Variants in ASAP3 observed in about 807,000 individuals in gnomAD.
The protein encoded by ASAP3 is ArfGAP with SH3 domain, ankyrin repeat and PH domain 3, also known as arf-GAP with SH3 domain, ANK repeat and PH domain-containing protein 3.
In ASAP3, 85 loss-of-function variants were observed where a neutral mutation model predicts 118.2. The observed-to-expected ratio is 0.72, with a 90% CI of 0.60 to 0.86. The LOEUF (loss-of-function observed/expected upper bound fraction) is 0.86, where lower values mean the gene tolerates loss of function less well. Ranked by LOEUF, ASAP3 falls within the 40% of genes least tolerant of loss-of-function variation. The pLI, the probability that ASAP3 is intolerant of heterozygous loss-of-function variation, is 0.00. For synonymous variants in ASAP3, 432 were observed against 477.4 expected, an observed-to-expected ratio of 0.90 and a Z score of 1.24; for missense variants, 1,026 against 1,175.0, an observed-to-expected ratio of 0.87 and a Z score of 1.85.
At chr1:23,478,773 A>T (rs1020222227) in intron 1 of ASAP3, among the ~76,000 whole-genome samples, 13 of 152,232 alleles carry the variant, frequency 8.5e-5, no homozygotes, top group African/African-American at 3.1e-4. Context: ...AAAAAAATAA[A>T]AAATAAAAAA....
Position 23,435,849 on chromosome 1 carries a change from A to T in ASAP3, c.1749+2T>A. The T allele has an allele frequency of 6.2e-7, 1 of 1,614,238 alleles. No individual in the cohort carries two copies. ...ATAAGTGGCCCTTGGAGGGGTTCTC[A>T]CCTGTGCATCAGGCCCTGGCAGCGG... is the stretch of plus-strand genomic sequence containing the variant. On this transcript the variant is annotated splice_donor_variant, in intron 17 of 24. Transcript: ENST00000336689. LOFTEE classifies it high-confidence loss of function.
intron 22 of ASAP3, among the ~76,000 whole-genome samples, chr1:23,432,168 G>A (rs192446367): frequency 3.0e-4 from 45 of 152,008 alleles, no homozygotes; most frequent in Admixed American, 9.2e-4. Context: ...CACCACACCT[G>A]GCTAATTTTT....
chr1:23,434,605 A>C lies in ASAP3; in HGVS notation c.1763T>G (p.Leu588Arg). 3.1e-6 allele frequency: 5 copies of C among 1,614,106 alleles called. No individual in the cohort carries two copies. The highest frequency in any genetic ancestry group is 4.2e-6 in the Non-Finnish European group (5 of 1,180,014). ...GACTTTGACAGCCAAATGCAAGACG[A>C]GTTCTTCAGGTGCCTGAAAACACAT... ...PGPDAQAPEE[L>R]VLHLAVKVAN... Residue 588 changes from leucine to arginine, a missense_variant, in exon 18 of 25, where the codon CTC (leucine) becomes CGC (arginine). Coordinates refer to ENST00000336689, the MANE Select transcript of ASAP3 (RefSeq NM_017707.4).
At chr1:23,473,400 T>C (rs764155171) in intron 1 of ASAP3, among the ~76,000 whole-genome samples, 4 of 152,198 alleles carry the variant, frequency 2.6e-5, no homozygotes, top group South Asian at 2.1e-4. Flanking sequence ...TCCTGTGACG[T>C]TGGTGAGGTG....
intron 1 of ASAP3, among the ~76,000 whole-genome samples, chr1:23,465,518 G>C (rs568970446): frequency 3.3e-5 from 5 of 151,262 alleles, no homozygotes; most frequent in Non-Finnish European, 5.9e-5. Flanking sequence ...TTTTTTTTGG[G>C]GGGGGGATAG....
At chr1:23,434,705 C>T (rs1640573445) in intron 17 of ASAP3, 87 bp from the exon 18 acceptor site, 5 of 1,297,232 alleles carry the variant, frequency 3.9e-6, no homozygotes, top group Admixed American at 4.0e-5. Context: ...TTGCTAACCC[C>T]TTATCCCCCC....
chr1:23,436,129 C>A lies in ASAP3; in HGVS notation c.1572-101G>T. 2 of 1,360,380 alleles carry A rather than the reference C, an allele frequency of 1.5e-6. No homozygotes were observed. Among genetic ancestry groups the A allele is most frequent in the Non-Finnish European group, 2.1e-6 (2 of 972,710 alleles). The allele number at this position is 1,360,380 out of a possible 1,614,324, so 84.3% of individuals were successfully genotyped here. ...GATACAGCTCTCTTTTTCTCCAGAA[C>A]CATGTCCTGAAGACGTCTAGATCTG... is the stretch of plus-strand genomic sequence containing the variant. On this transcript the variant is annotated intron_variant, in intron 16 of 24. Coordinates refer to ENST00000336689, the MANE Select transcript of ASAP3 (RefSeq NM_017707.4). This position sits in a 1 kb window ranked among gnomAD's most constrained non-coding sequence, Gnocchi z 4.2.
Position 23,438,904 on chromosome 1 carries a change from C to T in ASAP3, c.1015-70G>A. ...CTCCACATTCTTTAGGCCTCCATTT[C>T]CCACTCTGTTAAATGGGCATAATCA... is the stretch of plus-strand genomic sequence containing the variant. On this transcript the variant is annotated intron_variant, in intron 11 of 24. Transcript: ENST00000336689. This position sits in a 1 kb window ranked among gnomAD's most constrained non-coding sequence, Gnocchi z 4.9. 3 of 1,468,106 alleles carry T rather than the reference C, an allele frequency of 2.0e-6. No individual in the cohort carries two copies. Among genetic ancestry groups the T allele is most frequent in the Non-Finnish European group, 2.9e-6 (3 of 1,050,156 alleles). 90.9% of individuals were successfully genotyped at this position (1,468,106 alleles called of 1,614,324 possible). A position where few individuals can be genotyped will look rare whatever the true frequency, so the allele number is the denominator to read the frequency against.
At chr1:23,461,484 T>G (rs1641583321) in intron 1 of ASAP3, among the ~76,000 whole-genome samples, 1 of 151,476 alleles carries the variant, frequency 6.6e-6, no homozygotes, top group East Asian at 2.0e-4. Flanking sequence ...CTGGGCAACA[T>G]AGTGAGAGTC....
intron 4 of ASAP3, among the ~76,000 whole-genome samples, chr1:23,452,488 CAT>C (rs1180773415): frequency 6.6e-6 from 1 of 152,120 alleles, no homozygotes; most frequent in Non-Finnish European, 1.5e-5. Context: ...ATTTACATGA[CAT>C]GTTTCACACA....
chr1:23,464,194 T>A (rs563593991), intron 1 of ASAP3, among the ~76,000 whole-genome samples: 1,679 of 145,428 alleles, frequency 0.012, 36 homozygotes, highest in African/African-American at 0.039. Flanking sequence ...AAAAAAAAAA[T>A]TTTTTTTTTT....
rs968256598 is a variant in ASAP3, at chr1:23,437,126, C to G, written c.1342+4G>C. ...TCCCTCCTGCCCCGGCCCCGGGGAC[C>G]GACCTGCAGCCCCGCAGTCGCAGCA... On this transcript the variant is annotated splice_donor_region_variant and intron_variant, in intron 14 of 24. Transcript: ENST00000336689. This position sits in a 1 kb window ranked among gnomAD's most constrained non-coding sequence, Gnocchi z 6.1. 7 of 1,602,206 alleles carry G rather than the reference C, an allele frequency of 4.4e-6. No homozygotes were observed. Among genetic ancestry groups the G allele is most frequent in the Admixed American group, 3.4e-5 (2 of 58,876 alleles).
chr1:23,450,911 T>G (rs1570365299), intron 5 of ASAP3, among the ~76,000 whole-genome samples: 1 of 152,168 alleles, frequency 6.6e-6, no homozygotes, highest in East Asian at 1.9e-4. Context: ...TGACTGAGGC[T>G]CCTTCTTTCC....
intron 7 of ASAP3, 143 bp from the exon 8 acceptor site, chr1:23,441,873 G>A (rs2148617975): frequency 1.2e-6 from 1 of 846,934 alleles, no homozygotes; most frequent in Non-Finnish European, 1.9e-6. Flanking sequence ...ACACTCCATA[G>A]ACAAGAGTCT....
At chr1:23,468,633 G>C (rs1255961150) in intron 1 of ASAP3, among the ~76,000 whole-genome samples, 1 of 151,784 alleles carries the variant, frequency 6.6e-6, no homozygotes, top group Admixed American at 6.6e-5. Context: ...AGCACTTTGG[G>C]AGGCTGAGGT....
chr1:23,431,732 G>T lies in ASAP3; in HGVS notation c.2510C>A (p.Thr837Asn). The T allele has an allele frequency of 6.6e-7, 1 of 1,521,950 alleles. No individual in the cohort carries two copies. The highest frequency in any genetic ancestry group is 2.3e-5 in the East Asian group (1 of 43,154). The allele number at this position is 1,521,950 out of a possible 1,614,324, so 94.3% of individuals were successfully genotyped here. Residue 837 changes from threonine to asparagine, a missense_variant, in exon 23 of 25, where the codon ACC (threonine) becomes AAC (asparagine). Thr to Asn is a moderately conservative substitution (Grantham distance 65, BLOSUM62 0). Transcript: ENST00000336689. ...GTSRPSLTSGTTPSEMYLPVR... is the reference protein window; with the variant it reads ...GTSRPSLTSGNTPSEMYLPVR... ...GGGGAGGTACATCTCCGAAGGGGTG[G>T]TCCCGGATGTCAGGCTGGGTCTGGA...
At position 23,429,545 on chromosome 1, in the gene ASAP3, T is replaced by C. The variant is rs1640350076; in HGVS notation, c.*311A>G. The C allele has an allele frequency of 4.3e-6, 1 of 230,074 alleles. No individual in the cohort carries two copies. 14.3% of individuals were successfully genotyped at this position (230,074 alleles called of 1,614,324 possible). A position where few individuals can be genotyped will look rare whatever the true frequency, so the allele number is the denominator to read the frequency against. ...CCAGACTGACGGGGGAAATAGAGTC[T>C]CGATCTGATGAGGGACTGAGAGTTC... On this transcript the variant is annotated 3_prime_UTR_variant, in exon 25 of 25. Transcript: ENST00000336689.
intron 1 of ASAP3, among the ~76,000 whole-genome samples, chr1:23,466,083 A>C (rs1641761051): frequency 6.6e-6 from 1 of 152,176 alleles, no homozygotes; most frequent in Non-Finnish European, 1.5e-5. Flanking sequence ...AGGATGTCCT[A>C]CTGAAAAGAA....
chr1:23,457,870 G>A (rs1384052967), intron 1 of ASAP3, among the ~76,000 whole-genome samples: 1 of 152,186 alleles, frequency 6.6e-6, no homozygotes, highest in South Asian at 2.1e-4. Context: ...TGGGGAAATC[G>A]ATGCCTACCT....
Sources: gnomAD v4.1 joint callset for allele counts (sites outside exome capture counted in the v4.1 genomes callset) on GRCh38, gnomAD v4.1.1 for gene constraint, Gnocchi (gnomAD v3.1) non-coding constraint, MANE v1.5 for transcripts, NCBI Gene and HGNC (gene_info 2026-07-23, HGNC 2026-07-21) for gene names.